The following COMMD10 variants were observed in gnomAD, a reference collection of about 807,000 sequenced individuals.
COMMD10 encodes the protein COMM domain containing 10.
In COMMD10, 33 loss-of-function variants were observed where a neutral mutation model predicts 28.9. The observed-to-expected ratio is 1.14, with a 90% CI of 0.87 to 1.53. The LOEUF (loss-of-function observed/expected upper bound fraction) is 1.53. COMMD10 is among the 40% of genes most tolerant of loss of function. The pLI is 0.00. For synonymous variants in COMMD10, 110 were observed against 81.7 expected (o/e 1.35, Z -1.87); for missense variants, 310 against 233.4 (o/e 1.33, Z -2.14).
At position 116,232,986 on chromosome 5, in the gene COMMD10, G is replaced by T. The variant is rs182096123; in HGVS notation, c.511-58531G>T. 8.5e-5 allele frequency among the ~76,000 whole-genome samples: 13 copies of T among 152,248 alleles called. No homozygotes were observed. The East Asian group carries it at 1.9e-3, about 23-fold the overall frequency. ...CCCTTAAAAGGATTCGTCAATTCCG[G>T]CTAAATGGTGTGCCTGAATAAAATG... On this transcript the variant is annotated intron_variant, in intron 5 of 6. Coordinates refer to ENST00000274458, the MANE Select transcript of COMMD10 (RefSeq NM_016144.4).
chr5:116,244,674 A>G (rs1411749182), intron 5 of COMMD10, among the ~76,000 whole-genome samples: 1 of 151,036 alleles, frequency 6.6e-6, no homozygotes, highest in Non-Finnish European at 1.5e-5. Flanking sequence ...AAAAAAAAAA[A>G]AAAAGAAAAC....
chr5:116,168,042 T>C (rs1753190660), intron 5 of COMMD10, among the ~76,000 whole-genome samples: 1 of 150,820 alleles, frequency 6.6e-6, no homozygotes, highest in Admixed American at 6.6e-5. Context: ...CACTGGTAAA[T>C]TGGATAGAGT....
chr5:116,232,852 C>T (rs953081250), intron 5 of COMMD10, among the ~76,000 whole-genome samples: 2 of 152,144 alleles, frequency 1.3e-5, no homozygotes, highest in African/African-American at 4.8e-5. Context: ...GTTAAATTCT[C>T]AAGCAACCTA....
intron 5 of COMMD10, among the ~76,000 whole-genome samples, chr5:116,175,358 G>T (rs1392876440): frequency 1.3e-5 from 2 of 152,070 alleles, no homozygotes; most frequent in African/African-American, 4.8e-5. Context: ...ATGTCCTTAT[G>T]TCACATAATG....
chr5:116,285,907 T>G (rs1751207981), intron 5 of COMMD10, among the ~76,000 whole-genome samples: 1 of 151,860 alleles, frequency 6.6e-6, no homozygotes, highest in African/African-American at 2.4e-5. Context: ...TCTCCTCTTG[T>G]TCAAGTTTTT....
chr5:116,266,003 T>C (rs1223793598), intron 5 of COMMD10, among the ~76,000 whole-genome samples: 1 of 151,740 alleles, frequency 6.6e-6, no homozygotes. Context: ...GGCTCAAATA[T>C]GGAAGACATT....
chr5:116,180,706 A>G (rs1747926782), intron 5 of COMMD10, among the ~76,000 whole-genome samples: 1 of 143,720 alleles, frequency 7.0e-6, no homozygotes, highest in African/African-American at 2.5e-5. Flanking sequence ...CTAAAAAAAT[A>G]TATTCTTAAA....
intron 5 of COMMD10, among the ~76,000 whole-genome samples, chr5:116,237,907 G>A (rs992811339): frequency 6.6e-6 from 1 of 152,100 alleles, no homozygotes; most frequent in Non-Finnish European, 1.5e-5. Flanking sequence ...TGACAACAAA[G>A]CTAAAGGGTC....
intron 5 of COMMD10, among the ~76,000 whole-genome samples, chr5:116,280,354 T>G (rs1751039241): frequency 6.6e-6 from 1 of 151,868 alleles, no homozygotes. Context: ...TGGTGCCCTT[T>G]GAGCCAGAGC....
chr5:116,148,778 C>T (rs1752421081), intron 5 of COMMD10, among the ~76,000 whole-genome samples: 1 of 151,692 alleles, frequency 6.6e-6, no homozygotes, highest in South Asian at 2.1e-4. Context: ...ATTGAAAGGA[C>T]AACCTGAAGA....
intron 5 of COMMD10, among the ~76,000 whole-genome samples, chr5:116,277,412 T>G (rs907144593): frequency 6.6e-6 from 1 of 151,920 alleles, no homozygotes; most frequent in African/African-American, 2.4e-5. Flanking sequence ...TCAGTCATAT[T>G]TAGTTGGAAG....
In COMMD10 at chr5:116,091,094, A is replaced by G. The variant is rs761440842; in HGVS notation, c.148A>G (p.Ser50Gly). The G allele has an allele frequency of 6.2e-7, 1 of 1,608,500 alleles. No individual in the cohort carries two copies. Among genetic ancestry groups the G allele is most frequent in the Non-Finnish European group, 8.5e-7 (1 of 1,176,380 alleles). ...KLHLKAESSFSEEEEEKLQAA... is the reference protein window; with the variant it reads ...KLHLKAESSFGEEEEEKLQAA... ...TGTATTATAGGCTGAGAGCAGTTTC[A>G]GTGAAGAAGAGGAAGAAAAACTTCA... Residue 50 changes from serine (S) to glycine (G), a missense_variant, in exon 3 of 7, where the codon AGT becomes GGT. Transcript: ENST00000274458.
At chr5:116,182,491 A>G (rs1245366488) in intron 5 of COMMD10, among the ~76,000 whole-genome samples, 2 of 152,088 alleles carry the variant, frequency 1.3e-5, no homozygotes, top group Non-Finnish European at 2.9e-5. Flanking sequence ...AAAAATTGAT[A>G]CATTAAAGTG....
In COMMD10 at chr5:116,292,535, AT is replaced by A; in HGVS notation, c.*50del. 1 of 1,513,734 alleles carries A rather than the reference AT, an allele frequency of 6.6e-7. No individual in the cohort carries two copies. 93.8% of individuals were successfully genotyped at this position (1,513,734 alleles called of 1,614,324 possible). ...TTCATCACGCTCCTGCCACCTCATT[AT>A]TTTGCATTGAAGATACATTGCCAGG... is the stretch of plus-strand genomic sequence containing the variant. On this transcript the variant is annotated 3_prime_UTR_variant, in exon 7 of 7. Coordinates refer to ENST00000274458, the MANE Select transcript of COMMD10 (RefSeq NM_016144.4).
chr5:116,220,946 C>G (rs1749234097), intron 5 of COMMD10, among the ~76,000 whole-genome samples: 1 of 152,148 alleles, frequency 6.6e-6, no homozygotes. Flanking sequence ...GGCTTGCTCT[C>G]TGGTCTGCTT....
intron 5 of COMMD10, among the ~76,000 whole-genome samples, chr5:116,220,372 A>G: frequency 6.6e-6 from 1 of 152,272 alleles, no homozygotes; most frequent in South Asian, 2.1e-4. Context: ...AGAATGTCAC[A>G]GTAGATGACT....
intron 5 of COMMD10, among the ~76,000 whole-genome samples, chr5:116,150,703 A>C (rs1256168846): frequency 7.1e-6 from 1 of 139,954 alleles, no homozygotes; most frequent in Non-Finnish European, 1.5e-5. Flanking sequence ...TTGTACATTG[A>C]TTTTGTATCC....
intron 5 of COMMD10, among the ~76,000 whole-genome samples, chr5:116,136,092 A>G (rs1463143274): frequency 6.6e-6 from 1 of 152,164 alleles, no homozygotes; most frequent in East Asian, 1.9e-4. Flanking sequence ...AAAGAAATCA[A>G]TCCATTTGTT....
chr5:116,240,979 C>T (rs1749793050), intron 5 of COMMD10, among the ~76,000 whole-genome samples: 1 of 152,094 alleles, frequency 6.6e-6, no homozygotes, highest in African/African-American at 2.4e-5. Context: ...TGTTAAAACA[C>T]ACTTGTTTTA....
Sources: allele counts gnomAD v4.1 joint callset (sites outside exome capture counted in the v4.1 genomes callset), GRCh38; gene constraint gnomAD v4.1.1; transcripts MANE v1.5; gene names NCBI Gene and HGNC (gene_info 2026-07-23, HGNC 2026-07-21).